Variants in KLF17 observed in about 807,000 individuals in gnomAD.
KLF17 encodes KLF transcription factor 17.
Under a neutral mutation model 34.2 loss-of-function variants are expected in KLF17, and 31 were observed. The observed-to-expected ratio is 0.91, with a 90% CI of 0.68 to 1.22. The LOEUF (loss-of-function observed/expected upper bound fraction) is 1.22, where lower values mean the gene tolerates loss of function less well. Ranked by LOEUF, KLF17 falls within the 50% of genes most tolerant of loss-of-function variation. KLF17 has a pLI of 0.00. For synonymous variants in KLF17, 179 were observed against 186.7 expected (o/e 0.96, Z 0.34); for missense variants, 478 against 505.2 (o/e 0.95, Z 0.52).
At chr1:44,099,889 GA>G in the KLF17 span, among the ~76,000 whole-genome samples, 1 of 57,376 alleles carries the variant, frequency 1.7e-5, no homozygotes, top group Non-Finnish European at 3.9e-5. Context: ...AAGAAAGAAA[GA>G]AAGAAAGAAA....
the KLF17 span, among the ~76,000 whole-genome samples, chr1:44,062,225 A>G: frequency 6.6e-6 from 1 of 152,240 alleles, no homozygotes; most frequent in Non-Finnish European, 1.5e-5. Context: ...CCCAAGAGAA[A>G]TGATCAAAAT....
At chr1:44,127,710 T>TC (rs71587041) in intron 1 of KLF17, among the ~76,000 whole-genome samples, 9 of 128,386 alleles carry the variant, frequency 7.0e-5, no homozygotes, top group Non-Finnish European at 1.2e-4. Flanking sequence ...CTTTCTTTCT[T>TC]TCTTCTCTTT....
At chr1:44,115,450 C>CAAAAAAAAAAAAAAAAAA (rs34620805), upstream of KLF17, 2 of 74,670 alleles carry the variant, frequency 2.7e-5, no homozygotes, top group Non-Finnish European at 4.7e-5. Flanking sequence ...GACTCTGTGT[C>CAAAAAAAAAAAAAAAAAA]AAAAAAAAAA....
At chr1:44,100,616 T>A in the KLF17 span, among the ~76,000 whole-genome samples, 1 of 150,152 alleles carries the variant, frequency 6.7e-6, no homozygotes, top group South Asian at 2.2e-4. Flanking sequence ...CGCACTTGGC[T>A]GTTTTGTTTT....
chr1:44,090,930 A>G, the KLF17 span, among the ~76,000 whole-genome samples: 6 of 144,270 alleles, frequency 4.2e-5, no homozygotes, highest in Non-Finnish European at 9.1e-5. Context: ...ACACACATGC[A>G]CACGCACACA....
chr1:44,121,554 C>G (rs1471794684), intron 1 of KLF17, among the ~76,000 whole-genome samples: 1 of 152,204 alleles, frequency 6.6e-6, no homozygotes, highest in Non-Finnish European at 1.5e-5. Flanking sequence ...CCTTGAGTCT[C>G]TGAAATTAGA....
At chr1:44,124,345 T>C (rs973888902) in intron 1 of KLF17, among the ~76,000 whole-genome samples, 3 of 151,830 alleles carry the variant, frequency 2.0e-5, no homozygotes, top group African/African-American at 7.3e-5. Context: ...TTTTTTTTTT[T>C]TTGAGACAGA....
intron 1 of KLF17, among the ~76,000 whole-genome samples, chr1:44,121,754 A>T (rs1430320520): frequency 6.6e-6 from 1 of 152,236 alleles, no homozygotes; most frequent in Non-Finnish European, 1.5e-5. Context: ...TTTGGCAAGA[A>T]TGCCTCATGT....
At chr1:44,047,921 A>G in the KLF17 span, 4 of 152,098 alleles carry the variant, frequency 2.6e-5, no homozygotes, top group Non-Finnish European at 4.4e-5. Flanking sequence ...GTGGCCAATA[A>G]AGGTGGGCTG....
the KLF17 span, chr1:44,110,397 T>A: frequency 6.6e-6 from 1 of 152,208 alleles, no homozygotes; most frequent in African/African-American, 2.4e-5. Context: ...AACCTAGGTT[T>A]TAAAGTTAGC....
At chr1:44,104,270 C>T in the KLF17 span, 245 of 1,551,078 alleles carry the variant, frequency 1.6e-4, no homozygotes, top group Non-Finnish European at 3.5e-5. Context: ...CCAGCCCCTG[C>T]GTGTTGCCAA....
At chr1:44,083,793 C>CAAAAA in the KLF17 span, among the ~76,000 whole-genome samples, 80 of 103,892 alleles carry the variant, frequency 7.7e-4, 1 homozygote, top group Middle Eastern at 5.1e-3. Context: ...GACTCTGTCT[C>CAAAAA]AAAAAAAAAA....
chr1:44,133,801 T>G lies in KLF17; in HGVS notation c.*564T>G, dbSNP rs2088139422. 1 of 152,298 alleles carries G rather than the reference T, an allele frequency of 6.6e-6. No homozygotes were observed. The highest frequency in any genetic ancestry group is 2.4e-5 in the African/African-American group (1 of 41,454). 9.4% of individuals were successfully genotyped at this position (152,298 alleles called of 1,614,324 possible). A position where few individuals can be genotyped will look rare whatever the true frequency, so the allele number is the denominator to read the frequency against. ...GGCCCCAGTATACCTGGGATGGACA[T>G]CCAGGTGCCCTTCATCCAAGCTCCT... is the stretch of plus-strand genomic sequence containing the variant. On this transcript the variant is annotated 3_prime_UTR_variant, in exon 4 of 4. Coordinates refer to ENST00000372299, the MANE Select transcript of KLF17 (RefSeq NM_173484.4).
the KLF17 span, among the ~76,000 whole-genome samples, chr1:44,049,837 G>A: frequency 5.9e-5 from 9 of 152,166 alleles, no homozygotes; most frequent in African/African-American, 2.2e-4. Context: ...ATAGTAGCAT[G>A]TTCATTTCCA....
At chr1:44,095,775 G>T in the KLF17 span, among the ~76,000 whole-genome samples, 1 of 148,750 alleles carries the variant, frequency 6.7e-6, no homozygotes, top group Admixed American at 6.7e-5. Flanking sequence ...TTGTTTGTTT[G>T]TTTGTAGCTA....
At chr1:44,086,742 G>A in the KLF17 span, among the ~76,000 whole-genome samples, 1 of 152,176 alleles carries the variant, frequency 6.6e-6, no homozygotes, top group Non-Finnish European at 1.5e-5. Context: ...GAGGATTTGT[G>A]TAAGGATGCT....
At chr1:44,072,714 T>C in the KLF17 span, among the ~76,000 whole-genome samples, 1 of 151,342 alleles carries the variant, frequency 6.6e-6, no homozygotes, top group Non-Finnish European at 1.5e-5. Context: ...ATAACAAAAA[T>C]AATAAATAAA....
intron 1 of KLF17, among the ~76,000 whole-genome samples, chr1:44,127,722 C>CTTTCTTTCTTCTCT (rs1435982561): frequency 8.8e-6 from 1 of 113,462 alleles, no homozygotes; most frequent in Non-Finnish European, 1.7e-5. Context: ...CTTCTCTTTT[C>CTTTCTTTCTTCTCT]TTTCTTTCTT....
chr1:44,127,757 T>TCTTCTCTTTC (rs2088043873), intron 1 of KLF17, among the ~76,000 whole-genome samples: 1 of 149,534 alleles, frequency 6.7e-6, no homozygotes, highest in African/African-American at 2.5e-5. Context: ...CTCTTTTCTT[T>TCTTCTCTTTC]CTTTCTTCTC....
Sources: allele counts gnomAD v4.1 joint callset (sites outside exome capture counted in the v4.1 genomes callset), GRCh38; gene constraint gnomAD v4.1.1; transcripts MANE v1.5; gene names NCBI Gene and HGNC (gene_info 2026-07-23, HGNC 2026-07-21).